PRKX: variants seen among roughly 807,000 people sequenced by gnomAD.
PRKX encodes the protein cAMP-dependent protein kinase catalytic subunit PRKX.
In PRKX, 12 loss-of-function variants were observed where a neutral mutation model predicts 22.0. The ratio of observed to expected loss-of-function variants is 0.54; its 90% CI spans 0.35 to 0.88. The LOEUF (loss-of-function observed/expected upper bound fraction) is 0.88. Ranked by LOEUF, PRKX falls within the 40% of genes least tolerant of loss-of-function variation. The pLI, the probability that PRKX is intolerant of heterozygous loss-of-function variation, is 0.01. For missense variants in PRKX, 217 were observed against 308.0 expected, an observed-to-expected ratio of 0.70 and a Z score of 2.21; for synonymous variants, 134 against 137.7, an observed-to-expected ratio of 0.97 and a Z score of 0.19.
chrX:3,634,534 G>C (rs1195687238), intron 4 of PRKX, among the ~76,000 whole-genome samples: 2 of 110,960 alleles, frequency 1.8e-5, no homozygotes, highest in Non-Finnish European at 3.8e-5. Flanking sequence ...CTCCAGTTCA[G>C]AATAGTGATG....
chrX:3,635,944 T>C (rs1477052719), intron 4 of PRKX, among the ~76,000 whole-genome samples: 2 of 111,638 alleles, frequency 1.8e-5, no homozygotes, highest in African/African-American at 6.5e-5. Context: ...CAGAAATGGA[T>C]GAGGAAAGAG....
intron 2 of PRKX, among the ~76,000 whole-genome samples, chrX:3,660,671 A>G (rs1005071517): frequency 6.3e-5 from 7 of 111,959 alleles, no homozygotes; most frequent in African/African-American, 2.3e-4. Context: ...ATAATTAACC[A>G]TGGTGGGAGA....
intron 4 of PRKX, among the ~76,000 whole-genome samples, chrX:3,629,413 TG>T (rs751665244): frequency 1.1e-4 from 12 of 107,524 alleles, no homozygotes; most frequent in African/African-American, 4.1e-4. Flanking sequence ...GCCAGGGTTT[TG>T]TTTTTTTTTT....
chrX:3,650,879 TAAAAAAAAAAA>T (rs57311083), intron 3 of PRKX, among the ~76,000 whole-genome samples: 1 of 82,007 alleles, frequency 1.2e-5, no homozygotes, highest in Non-Finnish European at 2.3e-5. Context: ...ACCCTGTCTT[TAAAAAAAAAAA>T]AAAAAAAAAA....
intron 4 of PRKX, among the ~76,000 whole-genome samples, chrX:3,629,465 C>T (rs1369186295): frequency 1.9e-5 from 2 of 107,093 alleles, no homozygotes; most frequent in African/African-American, 6.8e-5. Flanking sequence ...ACTATGTTGC[C>T]CAGGCTGGTC....
intron 1 of PRKX, among the ~76,000 whole-genome samples, chrX:3,710,760 A>G (rs188238039): frequency 2.1e-4 from 23 of 112,047 alleles, no homozygotes; most frequent in African/African-American, 6.8e-4. Context: ...CAAAAAGTTC[A>G]GTACTCCTGC....
intron 1 of PRKX, among the ~76,000 whole-genome samples, chrX:3,692,551 G>T (rs753345187): frequency 1.0e-5 from 1 of 98,201 alleles, no homozygotes; most frequent in African/African-American, 3.8e-5. Context: ...TTTTTGAGAC[G>T]GAGTCTCGCT....
At chrX:3,701,788 G>C (rs867612233) in intron 1 of PRKX, among the ~76,000 whole-genome samples, 24 of 111,671 alleles carry the variant, frequency 2.1e-4, no homozygotes, top group South Asian at 3.8e-4. Flanking sequence ...AACCAAGATG[G>C]TGACAAGAGT....
intron 1 of PRKX, among the ~76,000 whole-genome samples, chrX:3,697,432 T>A (rs1013854511): frequency 1.8e-5 from 2 of 111,995 alleles, no homozygotes; most frequent in African/African-American, 6.5e-5. Context: ...GAGACCTGCT[T>A]CCTGCACACT....
At chrX:3,615,218 C>T (rs1173379640) in intron 7 of PRKX, among the ~76,000 whole-genome samples, 3 of 109,431 alleles carry the variant, frequency 2.7e-5, no homozygotes, top group Non-Finnish European at 5.7e-5. Context: ...GGGATTTCAC[C>T]ATATTGCCCA....
intron 4 of PRKX, among the ~76,000 whole-genome samples, chrX:3,639,066 C>G (rs1220271242): frequency 2.5e-5 from 1 of 39,775 alleles, no homozygotes; most frequent in Non-Finnish European, 4.0e-5. Flanking sequence ...TACATACTTA[C>G]AAAATAGGTA....
chrX:3,617,794 G>A (rs901168520), intron 6 of PRKX, among the ~76,000 whole-genome samples: 6 of 110,869 alleles, frequency 5.4e-5, no homozygotes, highest in Non-Finnish European at 9.4e-5. Flanking sequence ...CCCTAGTGAC[G>A]CCATGGCCAT....
At chrX:3,628,374 G>A (rs988295483) in intron 4 of PRKX, among the ~76,000 whole-genome samples, 43 of 111,088 alleles carry the variant, frequency 3.9e-4, no homozygotes, top group African/African-American at 1.3e-3. Flanking sequence ...ATGTCGTATT[G>A]TTTCAAATAC....
At chrX:3,679,240 G>C (rs1031948644) in intron 1 of PRKX, among the ~76,000 whole-genome samples, 24 of 109,897 alleles carry the variant, frequency 2.2e-4, no homozygotes, top group East Asian at 3.0e-4. Flanking sequence ...GGAATCCCCA[G>C]TGTTTATTGT....
chrX:3,607,907 G>C lies in PRKX; in HGVS notation c.*1062C>G, dbSNP rs1414648925. On this transcript the variant is annotated 3_prime_UTR_variant, in exon 9 of 9. Coordinates refer to ENST00000262848, the MANE Select transcript of PRKX (RefSeq NM_005044.5). The stretch of plus-strand genomic sequence containing the variant: ...TTTTTTTTTTTTTTTTTTGGACAGG[G>C]TCTCACTCTGTCACCCAGGCTGGAA... The C allele has an allele frequency of 1.1e-5, 1 of 95,181 alleles. No individual in the cohort carries two copies. The highest frequency in any genetic ancestry group is 2.1e-5 in the Non-Finnish European group (1 of 47,940). The allele number at this position is 95,181 out of a possible 1,213,427, so 7.8% of individuals were successfully genotyped here.
At chrX:3,706,089 G>A (rs1928679891) in intron 1 of PRKX, among the ~76,000 whole-genome samples, 3 of 109,491 alleles carry the variant, frequency 2.7e-5, no homozygotes, top group Non-Finnish European at 1.9e-5. Flanking sequence ...TTACATATGC[G>A]ATTTCATGCT....
At chrX:3,690,387 C>G (rs775340274) in intron 1 of PRKX, among the ~76,000 whole-genome samples, 7 of 112,239 alleles carry the variant, frequency 6.2e-5, no homozygotes, top group Non-Finnish European at 1.3e-4. Flanking sequence ...GCAGATGTTT[C>G]AGAACTACAC....
intron 3 of PRKX, among the ~76,000 whole-genome samples, chrX:3,648,606 C>CTG (rs58698248): frequency 0.1 from 7,156 of 71,787 alleles, 371 homozygotes; most frequent in African/African-American, 0.13. Context: ...CTCTCTACTC[C>CTG]TGTGTGTGTG....
chrX:3,672,379 C>T (rs1240029655), intron 2 of PRKX, among the ~76,000 whole-genome samples: 1 of 111,662 alleles, frequency 9.0e-6, no homozygotes, highest in Non-Finnish European at 1.9e-5. Context: ...CAGGAATGCA[C>T]CTTATCTGCC....
Sources: allele counts gnomAD v4.1 joint callset (sites outside exome capture counted in the v4.1 genomes callset), GRCh38; gene constraint gnomAD v4.1.1; transcripts MANE v1.5; gene names NCBI Gene and HGNC (gene_info 2026-07-23, HGNC 2026-07-21).